The following TMEM117 variants were observed in gnomAD, a reference collection of about 807,000 sequenced individuals.
TMEM117 encodes the protein transmembrane protein 117.
In TMEM117, 27 loss-of-function variants were observed where a neutral mutation model predicts 52.4. The ratio of observed to expected loss-of-function variants is 0.51; its 90% CI spans 0.38 to 0.71. TMEM117 has a LOEUF of 0.71. Ranked by LOEUF, TMEM117 falls within the 30% of genes least tolerant of loss-of-function variation. TMEM117 has a pLI of 0.00. For missense variants in TMEM117, 556 were observed against 630.5 expected (o/e 0.88, Z 1.26); for synonymous variants, 215 against 206.3 (o/e 1.04, Z -0.36).
At chr12:43,982,302 T>G in intron 3 of TMEM117, among the ~76,000 whole-genome samples, 1 of 152,032 alleles carries the variant, frequency 6.6e-6, no homozygotes, top group East Asian at 1.9e-4. Context: ...CCAGGGTGAG[T>G]GTGAATCTGA....
intron 6 of TMEM117, among the ~76,000 whole-genome samples, chr12:44,355,502 C>T (rs145986347): frequency 1.3e-5 from 2 of 152,074 alleles, no homozygotes; most frequent in Non-Finnish European, 2.9e-5. Flanking sequence ...CTGCCAGGAG[C>T]CCATTTGCAT....
In TMEM117 at chr12:43,981,149, C is replaced by G. The variant is rs1224405133; in HGVS notation, c.410+36807C>G. Among the ~76,000 whole-genome samples the G allele has an allele frequency of 2.0e-5, 3 of 152,096 alleles. No individual in the cohort carries two copies. The East Asian group carries it at 5.8e-4, about 29-fold the overall frequency. ...ATAATTTTTATAACTTTTCCCACAA[C>G]CCTGACCGATCTCCTACACCATGTC... On this transcript the variant is annotated intron_variant, in intron 3 of 7. Coordinates refer to ENST00000266534, the MANE Select transcript of TMEM117 (RefSeq NM_032256.3).
At chr12:43,929,950 C>A (rs1944845139) in intron 2 of TMEM117, among the ~76,000 whole-genome samples, 1 of 151,844 alleles carries the variant, frequency 6.6e-6, no homozygotes, top group Non-Finnish European at 1.5e-5. Flanking sequence ...TCTTTATGTG[C>A]CTAATTTAAA....
intron 2 of TMEM117, among the ~76,000 whole-genome samples, chr12:43,886,263 T>C (rs918689995): frequency 6.6e-6 from 1 of 152,084 alleles, no homozygotes; most frequent in East Asian, 1.9e-4. Flanking sequence ...GCGGTGTACC[T>C]GCAAAGAAGA....
intron 3 of TMEM117, chr12:44,008,922 G>A: frequency 2.5e-6 from 1 of 393,434 alleles, no homozygotes; most frequent in South Asian, 2.2e-5. Context: ...GTCATGTAGT[G>A]CGTATTAAGA....
chr12:44,356,810 T>C (rs1187580648), intron 6 of TMEM117, among the ~76,000 whole-genome samples: 1 of 152,156 alleles, frequency 6.6e-6, no homozygotes, highest in Non-Finnish European at 1.5e-5. Context: ...TCACCATGTC[T>C]TGTCTGGACT....
the TMEM117 span, chr12:43,797,881 T>G: frequency 6.4e-7 from 1 of 1,572,530 alleles, no homozygotes; most frequent in Non-Finnish European, 8.6e-7. Flanking sequence ...AGCAGTATCC[T>G]ATGGCAAACA....
chr12:43,855,440 A>C (rs1173850577), intron 2 of TMEM117, among the ~76,000 whole-genome samples: 1 of 152,124 alleles, frequency 6.6e-6, no homozygotes, highest in Non-Finnish European at 1.5e-5. Flanking sequence ...CAGCTGCATA[A>C]AAATCATGAT....
intron 3 of TMEM117, among the ~76,000 whole-genome samples, chr12:43,965,791 G>T (rs967521044): frequency 6.6e-6 from 1 of 152,224 alleles, no homozygotes; most frequent in Admixed American, 6.5e-5. Flanking sequence ...TACATGTGCG[G>T]GTTTGTTACA....
chr12:44,351,491 G>A (rs573670907), intron 6 of TMEM117, among the ~76,000 whole-genome samples: 1 of 152,018 alleles, frequency 6.6e-6, no homozygotes, highest in East Asian at 1.9e-4. Flanking sequence ...ATAGTTTGAG[G>A]TCTTAGATTT....
intron 3 of TMEM117, among the ~76,000 whole-genome samples, chr12:44,006,704 A>G (rs1483703870): frequency 6.6e-6 from 1 of 152,168 alleles, no homozygotes; most frequent in Non-Finnish European, 1.5e-5. Flanking sequence ...ATACATACAT[A>G]TAGATAGATA....
intron 6 of TMEM117, among the ~76,000 whole-genome samples, chr12:44,318,548 G>C (rs1359012000): frequency 6.6e-6 from 1 of 151,948 alleles, no homozygotes; most frequent in African/African-American, 2.4e-5. Flanking sequence ...GATTTGCCTG[G>C]GCATGAAGTG....
chr12:43,857,340 A>G lies in TMEM117; in HGVS notation c.277+12412A>G, dbSNP rs995622160. ...TTTTTTTTTTTTTATTGTACTTGAT[A>G]CAAATGAGTCATTCAGGGACCAAGG... On this transcript the variant is annotated intron_variant, in intron 2 of 7. Transcript: ENST00000266534. 2.0e-5 allele frequency among the ~76,000 whole-genome samples: 3 copies of G among 150,504 alleles called. No individual in the cohort carries two copies. The East Asian group carries it at 5.8e-4, about 29-fold the overall frequency.
intron 5 of TMEM117, among the ~76,000 whole-genome samples, chr12:44,261,776 C>T (rs78919830): frequency 0.017 from 2,649 of 152,218 alleles, 62 homozygotes; most frequent in East Asian, 0.057. Context: ...CCTTCACATG[C>T]GCAGCATTTT....
chr12:44,297,393 A>G (rs561154271), intron 5 of TMEM117, among the ~76,000 whole-genome samples: 1 of 152,334 alleles, frequency 6.6e-6, no homozygotes, highest in African/African-American at 2.4e-5. Context: ...GACACTGGCT[A>G]TAGAATTAGA....
intron 5 of TMEM117, among the ~76,000 whole-genome samples, chr12:44,278,282 A>G (rs912895063): frequency 1.3e-5 from 2 of 152,154 alleles, no homozygotes; most frequent in Non-Finnish European, 2.9e-5. Flanking sequence ...ATCATTGGAG[A>G]TCATCTTAAG....
chr12:44,217,023 GAAC>G (rs1281637306), intron 5 of TMEM117, among the ~76,000 whole-genome samples: 1 of 151,974 alleles, frequency 6.6e-6, no homozygotes, highest in African/African-American at 2.4e-5. Flanking sequence ...TTAACAAAAG[GAAC>G]TTAGTTGTTT....
intron 3 of TMEM117, among the ~76,000 whole-genome samples, chr12:44,094,239 C>T (rs965710783): frequency 3.3e-5 from 5 of 152,096 alleles, no homozygotes; most frequent in Non-Finnish European, 5.9e-5. Flanking sequence ...GAATATAGAT[C>T]ATAGTAAGTC....
At chr12:44,033,179 A>C (rs569490017) in intron 3 of TMEM117, among the ~76,000 whole-genome samples, 1 of 152,306 alleles carries the variant, frequency 6.6e-6, no homozygotes, top group South Asian at 2.1e-4. Context: ...GTGCCAAGAC[A>C]GTTTACAGAT....
Sources: allele counts gnomAD v4.1 joint callset (sites outside exome capture counted in the v4.1 genomes callset), GRCh38; gene constraint gnomAD v4.1.1; transcripts MANE v1.5; gene names NCBI Gene and HGNC (gene_info 2026-07-23, HGNC 2026-07-21).